The following ADGRE5 variants were observed in gnomAD, a reference collection of about 807,000 sequenced individuals.
ADGRE5 encodes CD97 molecule.
In ADGRE5, 72 loss-of-function variants were observed where a neutral mutation model predicts 100.3. That is an observed-to-expected ratio of 0.72 (90% CI 0.59 to 0.87). The LOEUF is 0.87. Ranked by LOEUF, ADGRE5 falls within the 40% of genes least tolerant of loss-of-function variation. The probability of loss-of-function intolerance (pLI) is 0.00; values close to 1 mark genes in which losing one functional copy is unlikely to be tolerated. For synonymous variants in ADGRE5, 439 were observed against 447.8 expected, an observed-to-expected ratio of 0.98 and a Z score of 0.25; for missense variants, 959 against 1,094.7, an observed-to-expected ratio of 0.88 and a Z score of 1.75.
intron 1 of ADGRE5, among the ~76,000 whole-genome samples, chr19:14,387,464 C>T (rs1247882772): frequency 2.0e-5 from 3 of 152,178 alleles, no homozygotes; most frequent in Admixed American, 1.3e-4. Flanking sequence ...CACAGTGGCT[C>T]ATGCCTGTAA....
chr19:14,396,196 A>G (rs1975769188), intron 4 of ADGRE5, 146 bp from the exon 5 acceptor site: 1 of 1,464,836 alleles, frequency 6.8e-7, no homozygotes, highest in African/African-American at 1.4e-5. Flanking sequence ...CACCACCCTC[A>G]CCATAGGATG....
At chr19:14,404,620 G>A in intron 13 of ADGRE5, 58 bp downstream of exon 13, 2 of 1,518,788 alleles carry the variant, frequency 1.3e-6, no homozygotes, top group South Asian at 2.3e-5. Context: ...GCTGCAACCA[G>A]ACAGGCAGCT....
At chr19:14,381,889 G>T (rs1228320840) in intron 1 of ADGRE5, among the ~76,000 whole-genome samples, 1 of 151,434 alleles carries the variant, frequency 6.6e-6, no homozygotes, top group Non-Finnish European at 1.5e-5. Context: ...CCTGAGAGCC[G>T]CTGTGCTTAA....
In ADGRE5 at chr19:14,406,405, C is replaced by G; in HGVS notation, c.1896C>G (p.Leu632=). Residue 632 remains leucine (L), a synonymous_variant, in exon 15 of 20, where the codon CTC becomes CTG. Transcript: ENST00000242786. The surrounding 1 kb of genome is among the most constrained non-coding windows in gnomAD (Gnocchi z 6.0). ...CFLAAFCWMS[L]EGLELYFLVV... is the part of the protein sequence containing the mutation. ...TGGCCGCCTTCTGCTGGATGAGCCTCGAAGGCCTGGAGCTCTACTTTCTTG... is the reference window on the plus strand; with the variant it reads ...TGGCCGCCTTCTGCTGGATGAGCCTGGAAGGCCTGGAGCTCTACTTTCTTG... 1 of 1,593,168 alleles carries G rather than the reference C, an allele frequency of 6.3e-7. No homozygotes were observed. The highest frequency in any genetic ancestry group is 8.5e-7 in the Non-Finnish European group (1 of 1,170,472).
At chr19:14,386,502 G>C (rs1467506363) in intron 1 of ADGRE5, 2 of 149,556 alleles carry the variant, frequency 1.3e-5, no homozygotes, top group African/African-American at 4.9e-5. Context: ...TACCATCCTG[G>C]CTAACATGGT....
chr19:14,397,003 G>T, intron 5 of ADGRE5, 74 bp from the exon 6 acceptor site: 1 of 1,448,350 alleles, frequency 6.9e-7, no homozygotes. Flanking sequence ...AAAGATAGGG[G>T]AGTGGGTGCA....
chr19:14,406,093 C>A lies in ADGRE5; in HGVS notation c.1821+154C>A, dbSNP rs915150631. On this transcript the variant is annotated intron_variant, in intron 14 of 19. Transcript: ENST00000242786. The surrounding 1 kb of genome is among the most constrained non-coding windows in gnomAD (Gnocchi z 6.0). ...GATCTGGCCCCGCCCACCGGGGGGT[C>A]GGGTTGTCTCTTTAAAGGGCGCTGG... Among the ~76,000 whole-genome samples, 6 of 152,128 alleles carry A rather than the reference C, an allele frequency of 3.9e-5. No homozygotes were observed. Among genetic ancestry groups the A allele is most frequent in the African/African-American group, 1.4e-4 (6 of 41,432 alleles).
At position 14,401,621 on chromosome 19, in the gene ADGRE5, G is replaced by A; in HGVS notation, c.1076-32G>A. On this transcript the variant is annotated intron_variant, in intron 10 of 19. Coordinates refer to ENST00000242786, the MANE Select transcript of ADGRE5 (RefSeq NM_078481.4). The surrounding 1 kb of genome is among the most constrained non-coding windows in gnomAD (Gnocchi z 4.1). The stretch of plus-strand genomic sequence containing the variant: ...CCCTGGGCCCCACCTGGTACCTGGG[G>A]TCCCTAATCACAACTGCCCCTCTCC... 3 of 1,602,780 alleles carry A rather than the reference G, an allele frequency of 1.9e-6. No homozygotes were observed. Among genetic ancestry groups the A allele is most frequent in the Admixed American group, 1.7e-5 (1 of 58,696 alleles).
chr19:14,397,664 A>G lies in ADGRE5; in HGVS notation c.632A>G (p.Asp211Gly). 1.9e-6 allele frequency: 3 copies of G among 1,555,832 alleles called. No homozygotes were observed. Among genetic ancestry groups the G allele is most frequent in the African/African-American group, 2.8e-5 (2 of 71,556 alleles). The change falls in exon 7 of 20, where the codon GAC (aspartate) becomes GGC (glycine). Residue 211 changes from aspartate (D) to glycine (G), a missense_variant. This residue lies in a region of ADGRE5 where 83 missense variants were observed against 88.8 expected (regional missense o/e 0.93). Transcript: ENST00000242786. The part of the protein sequence containing the change: ...GPNNTVCEDV[D>G]ECSSGQHQCD... ...CCCTTCTTCCTGTCCTCAGATGTGG[A>G]CGAGTGCAGCTCCGGGCAGCATCAG...
intron 1 of ADGRE5, among the ~76,000 whole-genome samples, chr19:14,382,157 G>A (rs888188736): frequency 6.6e-5 from 10 of 152,160 alleles, no homozygotes; most frequent in African/African-American, 1.9e-4. Context: ...GACTGTAACG[G>A]TTATCAGGGT....
chr19:14,406,035 G>A lies in ADGRE5; in HGVS notation c.1821+96G>A. 1 of 1,124,478 alleles carries A rather than the reference G, an allele frequency of 8.9e-7. No homozygotes were observed. The highest frequency in any genetic ancestry group is 1.2e-6 in the Non-Finnish European group (1 of 810,200). The allele number at this position is 1,124,478 out of a possible 1,614,324, so 69.7% of individuals were successfully genotyped here. ...TCCCGGGGCTCAGTCGGGTAGGCGG[G>A]CCCTGGAGGCATGAGGCCCCGCCCC... On this transcript the variant is annotated intron_variant, in intron 14 of 19. Coordinates refer to ENST00000242786, the MANE Select transcript of ADGRE5 (RefSeq NM_078481.4). The surrounding 1 kb of genome is among the most constrained non-coding windows in gnomAD (Gnocchi z 6.0).
At chr19:14,381,679 C>T in intron 1 of ADGRE5, 134 bp downstream of exon 1, 5 of 1,050,546 alleles carry the variant, frequency 4.8e-6, no homozygotes, top group Non-Finnish European at 5.4e-6. Context: ...CAAGCAGGCA[C>T]TCACGGGCAC....
intron 9 of ADGRE5, among the ~76,000 whole-genome samples, chr19:14,399,563 CAAAAAAAAAA>C (rs764605166): frequency 7.8e-4 from 25 of 31,852 alleles, no homozygotes; most frequent in Non-Finnish European, 1.3e-3. Flanking sequence ...GACTCCGTCT[CAAAAAAAAAA>C]AAAAAAAAAA....
At position 14,407,241 on chromosome 19, in the gene ADGRE5, G is replaced by A. The variant is rs200345251; in HGVS notation, c.2376+12G>A. 9.6e-5 allele frequency: 155 copies of A among 1,613,484 alleles called. No individual in the cohort carries two copies. In the African/African-American group the frequency reaches 1.9e-3, roughly 20 times the overall value. On this transcript the variant is annotated intron_variant, in intron 18 of 19. Coordinates refer to ENST00000242786, the MANE Select transcript of ADGRE5 (RefSeq NM_078481.4). Reference sequence around the variant, plus strand: ...TGCTCAACAAGAAGGTGGGGGCCTGGGCACAGTGGCGCACGCCTGTCATCC... The same window carrying A: ...TGCTCAACAAGAAGGTGGGGGCCTGAGCACAGTGGCGCACGCCTGTCATCC...
At chr19:14,392,369 C>T (rs1039884532) in intron 4 of ADGRE5, among the ~76,000 whole-genome samples, 3 of 151,374 alleles carry the variant, frequency 2.0e-5, no homozygotes, top group Non-Finnish European at 4.4e-5. Context: ...AGTGTGATCT[C>T]GGCTCACTGC....
intron 18 of ADGRE5, 76 bp from the exon 19 acceptor site, chr19:14,407,832 T>C (rs969981918): frequency 4.0e-6 from 5 of 1,245,406 alleles, no homozygotes; most frequent in Non-Finnish European, 5.8e-6. Context: ...AAGGTGGGGC[T>C]GAGGGCAGAG....
At chr19:14,405,391 C>CA (rs1468183313) in intron 13 of ADGRE5, 1 of 212,124 alleles carries the variant, frequency 4.7e-6, no homozygotes, top group East Asian at 1.2e-4. Flanking sequence ...GATCTGCCCC[C>CA]CCTCAGCCTC....
chr19:14,399,501 T>G (rs1201634487), intron 9 of ADGRE5, among the ~76,000 whole-genome samples: 1 of 140,150 alleles, frequency 7.1e-6, no homozygotes, highest in African/African-American at 2.7e-5. Flanking sequence ...GAAGCGGAGC[T>G]TGCAGTGAGC....
rs772693003 is a variant in ADGRE5 at position 14,405,816 on chromosome 19, C to A, written c.1698C>A (p.Ile566=). Residue 566 remains isoleucine, a synonymous_variant, in exon 14 of 20, where the codon ATC becomes ATA. Transcript: ENST00000242786. ...ALSLFCLLLC[I]LTFLLVRPIQ... is the part of the protein sequence containing the mutation. ...CACTCTTCTGCCTGCTGCTGTGCAT[C>A]CTCACTTTCCTGCTGGTGCGGCCCA... 6.2e-7 allele frequency: 1 copy of A among 1,613,740 alleles called. No homozygotes were observed. Among genetic ancestry groups the A allele is most frequent in the Non-Finnish European group, 8.5e-7 (1 of 1,180,006 alleles).
Sources: allele counts gnomAD v4.1 joint callset (sites outside exome capture counted in the v4.1 genomes callset), GRCh38; gene constraint gnomAD v4.1.1; regional missense constraint gnomAD v4.1.1; non-coding constraint Gnocchi (gnomAD v3.1); transcripts MANE v1.5; gene names NCBI Gene and HGNC (gene_info 2026-07-23, HGNC 2026-07-21).